PARVB: variants seen among roughly 807,000 people sequenced by gnomAD.
The protein encoded by PARVB is parvin beta.
In PARVB, 46 loss-of-function variants were observed where a neutral mutation model predicts 47.0. That is an observed-to-expected ratio of 0.98 (90% CI 0.77 to 1.25). The LOEUF (loss-of-function observed/expected upper bound fraction) is 1.25, where lower values mean the gene tolerates loss of function less well. Ranked by LOEUF, PARVB falls within the 50% of genes most tolerant of loss-of-function variation. The probability of loss-of-function intolerance (pLI) is 0.00; values close to 1 mark genes in which losing one functional copy is unlikely to be tolerated. For missense variants in PARVB, 473 were observed against 471.6 expected (o/e 1.00, Z -0.03); for synonymous variants, 196 against 196.3 (o/e 1.00, Z 0.01).
In PARVB at chr22:44,103,980, G is replaced by T. The variant is rs8139602; in HGVS notation, c.273+3857G>T. 4 of 152,336 alleles carry T rather than the reference G, an allele frequency of 2.6e-5. No individual in the cohort carries two copies. Among genetic ancestry groups the T allele is most frequent in the Admixed American group, 2.0e-4 (3 of 15,310 alleles). The allele number at this position is 152,336 out of a possible 1,614,324, so 9.4% of individuals were successfully genotyped here. ...GGACTGCAAGAGAATCCACTGAGCC[G>T]TTGGAAGCCCCTGGGTTTGTGTTAA... On this transcript the variant is annotated intron_variant, in intron 3 of 12. Coordinates refer to ENST00000338758, the MANE Select transcript of PARVB (RefSeq NM_013327.5). This position sits in a 1 kb window ranked among gnomAD's most constrained non-coding sequence, Gnocchi z 4.6.
At chr22:44,158,635 T>C (rs574494645) in intron 11 of PARVB, among the ~76,000 whole-genome samples, 103 of 152,324 alleles carry the variant, frequency 6.8e-4, no homozygotes, top group African/African-American at 2.4e-3. Flanking sequence ...TAGGGTCAAA[T>C]TTGGGGCATT....
chr22:44,098,699 A>T (rs2052368365), intron 2 of PARVB, among the ~76,000 whole-genome samples: 1 of 152,114 alleles, frequency 6.6e-6, no homozygotes, highest in Non-Finnish European at 1.5e-5. Context: ...TCAGATCTGT[A>T]TGACTTCAAA....
Position 44,100,050 on chromosome 22 carries a change from C to T in PARVB, c.203-3C>T, listed in dbSNP as rs763599022. The T allele has an allele frequency of 4.0e-5, 64 of 1,613,480 alleles. No homozygotes were observed. The highest frequency in any genetic ancestry group is 5.2e-5 in the Non-Finnish European group (61 of 1,179,562). On this transcript the variant is annotated splice_polypyrimidine_tract_variant and splice_region_variant and intron_variant, in intron 2 of 12. Coordinates refer to ENST00000338758, the MANE Select transcript of PARVB (RefSeq NM_013327.5). Reference sequence around the variant, plus strand: ...GACCGTGACTTCCTTTTGTCCCTGGCAGAGGAGAACGAGGAGCGCACGATG... The same window carrying T: ...GACCGTGACTTCCTTTTGTCCCTGGTAGAGGAGAACGAGGAGCGCACGATG...
intron 1 of PARVB, among the ~76,000 whole-genome samples, chr22:44,084,186 T>TCAG (rs1487349882): frequency 6.6e-6 from 1 of 152,176 alleles, no homozygotes; most frequent in African/African-American, 2.4e-5. Context: ...TGGTAAAGTC[T>TCAG]CAGTGCAGTT....
intron 2 of PARVB, among the ~76,000 whole-genome samples, chr22:44,095,083 C>T (rs1477480694): frequency 6.9e-6 from 1 of 145,720 alleles, no homozygotes; most frequent in Non-Finnish European, 1.6e-5. Context: ...GGCTCTGCGG[C>T]TCAGGCTCTG....
At chr22:44,097,085 A>T (rs913067777) in intron 2 of PARVB, among the ~76,000 whole-genome samples, 3 of 151,598 alleles carry the variant, frequency 2.0e-5, no homozygotes, top group Admixed American at 6.6e-5. Context: ...GGAGCATGGC[A>T]CAGTTTAGCG....
At chr22:44,041,162 G>A (rs756332409) in intron 1 of PARVB, among the ~76,000 whole-genome samples, 1 of 152,148 alleles carries the variant, frequency 6.6e-6, no homozygotes, top group East Asian at 1.9e-4. Context: ...AAGGTGGGTG[G>A]TGGACTGTAG....
intron 1 of PARVB, among the ~76,000 whole-genome samples, chr22:44,044,605 C>T (rs1435455318): frequency 6.6e-6 from 1 of 152,172 alleles, no homozygotes; most frequent in East Asian, 1.9e-4. Flanking sequence ...CATGCCTCAG[C>T]CTCTAGAGTA....
At chr22:44,086,898 T>C in intron 1 of PARVB, 1 of 908,768 alleles carries the variant, frequency 1.1e-6, no homozygotes, top group African/African-American at 1.8e-5. Context: ...TTAACAGAGA[T>C]GTCTTTGGGT....
chr22:44,156,279 C>CTTT (rs71188434), intron 10 of PARVB, among the ~76,000 whole-genome samples: 10 of 126,394 alleles, frequency 7.9e-5, no homozygotes, highest in African/African-American at 1.5e-4. Flanking sequence ...GACTTTTCAT[C>CTTT]TTTTTTTTTT....
chr22:44,052,160 A>G (rs1354539894), intron 1 of PARVB, among the ~76,000 whole-genome samples: 1 of 152,160 alleles, frequency 6.6e-6, no homozygotes, highest in Non-Finnish European at 1.5e-5. Context: ...CTGGCCTTTG[A>G]TCTTCTAATT....
chr22:44,052,222 C>T (rs2051223117), intron 1 of PARVB, among the ~76,000 whole-genome samples: 1 of 152,206 alleles, frequency 6.6e-6, no homozygotes, highest in East Asian at 1.9e-4. Context: ...TTGAAGGTCA[C>T]AGTTGGAAAT....
At chr22:44,120,305 A>C (rs1341231840) in intron 4 of PARVB, among the ~76,000 whole-genome samples, 2 of 152,196 alleles carry the variant, frequency 1.3e-5, no homozygotes, top group Admixed American at 1.3e-4. Context: ...GGAGTGAATC[A>C]CACATGAACG....
At chr22:44,107,693 C>G (rs2147087628) in intron 3 of PARVB, 1 of 152,212 alleles carries the variant, frequency 6.6e-6, no homozygotes, top group Middle Eastern at 3.4e-3. Flanking sequence ...TGTAATCAGT[C>G]ACACTTACAT....
Position 44,100,081 on chromosome 22 carries a change from C to T in PARVB, c.231C>T (p.Asp77=). 6.2e-7 allele frequency: 1 copy of T among 1,614,016 alleles called. No individual in the cohort carries two copies. Among genetic ancestry groups the T allele is most frequent in the South Asian group, 1.1e-5 (1 of 91,086 alleles). ...LEENEERTMI[D]PTSKEDPKFK... The stretch of plus-strand genomic sequence containing the variant: ...AGAACGAGGAGCGCACGATGATTGA[C>T]CCCACTTCCAAGGAAGACCCCAAGT... Residue 77 remains aspartate, a synonymous_variant, in exon 3 of 13, where the codon GAC becomes GAT. Transcript: ENST00000338758.
intron 11 of PARVB, among the ~76,000 whole-genome samples, chr22:44,159,643 C>T (rs1601701972): frequency 6.6e-6 from 1 of 152,280 alleles, no homozygotes; most frequent in Middle Eastern, 3.4e-3. Flanking sequence ...CTCCTCCAGC[C>T]CCTGCCTTTT....
chr22:44,016,695 C>T (rs899747460), intron 2 of PARVB, among the ~76,000 whole-genome samples: 3 of 151,886 alleles, frequency 2.0e-5, no homozygotes, highest in Admixed American at 2.0e-4. Context: ...GTCTTTTTTC[C>T]CCTGGGGCTG....
chr22:44,026,224 T>C, intron 1 of PARVB: 1 of 699,844 alleles, frequency 1.4e-6, no homozygotes, highest in Non-Finnish European at 1.8e-6. Context: ...CTGTATGAAT[T>C]GATGTGTGTC....
chr22:44,059,977 C>T (rs1036150320), intron 1 of PARVB, among the ~76,000 whole-genome samples: 6 of 151,826 alleles, frequency 4.0e-5, no homozygotes, highest in Non-Finnish European at 8.8e-5. Flanking sequence ...TGTGGGAAGG[C>T]GGAAAGGGCA....
Sources: gnomAD v4.1 joint callset for allele counts (sites outside exome capture counted in the v4.1 genomes callset) on GRCh38, gnomAD v4.1.1 for gene constraint, Gnocchi (gnomAD v3.1) non-coding constraint, MANE v1.5 for transcripts, NCBI Gene and HGNC (gene_info 2026-07-23, HGNC 2026-07-21) for gene names.